LAMA3: variants seen among roughly 807,000 people sequenced by gnomAD.
LAMA3 encodes the protein laminin subunit alpha-3.
Under a neutral mutation model 402.0 loss-of-function variants are expected in LAMA3, and 281 were observed. The observed-to-expected ratio is 0.70, with a 90% CI of 0.63 to 0.77. The LOEUF is 0.77. LAMA3 is among the 30% of genes least tolerant of loss of function. The pLI, the probability that LAMA3 is intolerant of heterozygous loss-of-function variation, is 0.00. For synonymous variants in LAMA3, 1,431 were observed against 1,558.4 expected, an observed-to-expected ratio of 0.92 and a Z score of 1.93; for missense variants, 3,840 against 4,215.5, an observed-to-expected ratio of 0.91 and a Z score of 2.47.
In LAMA3 at chr18:23,852,175, T is replaced by C. The variant is rs576352450; in HGVS notation, c.4136+4507T>C. Reference sequence around the variant, plus strand: ...CAGATGATATTGATGCTTTCCTAGTTGGCCTTCCTTTTCCTGGTTTACTCA... The same window carrying C: ...CAGATGATATTGATGCTTTCCTAGTCGGCCTTCCTTTTCCTGGTTTACTCA... On this transcript the variant is annotated intron_variant, in intron 32 of 74. Transcript: ENST00000313654. Among the ~76,000 whole-genome samples, 8 of 152,346 alleles carry C rather than the reference T, an allele frequency of 5.3e-5. No individual in the cohort carries two copies. In the South Asian group the frequency reaches 1.4e-3, roughly 28 times the overall value.
chr18:23,875,540 A>G (rs1403591178), intron 38 of LAMA3, among the ~76,000 whole-genome samples: 1 of 152,060 alleles, frequency 6.6e-6, no homozygotes, highest in Non-Finnish European at 1.5e-5. Flanking sequence ...TGGGAACCTC[A>G]TGCACGCTCC....
Position 23,914,399 on chromosome 18 carries a change from T to C in LAMA3, c.7330-11T>C. On this transcript the variant is annotated splice_polypyrimidine_tract_variant and intron_variant, in intron 56 of 74. Transcript: ENST00000313654. ...AATGTGAAGTGTTCTGAGGTGGCCC[T>C]TTGTCTCCAGGCCTCCCGGGACTAC... The C allele has an allele frequency of 6.2e-7, 1 of 1,614,130 alleles. No individual in the cohort carries two copies.
intron 15 of LAMA3, 123 bp downstream of exon 15, chr18:23,814,625 A>G (rs1330699779): frequency 1.4e-6 from 1 of 712,802 alleles, no homozygotes; most frequent in East Asian, 2.7e-5. Flanking sequence ...GATTCTATGT[A>G]ATGTTCTGAT....
intron 4 of LAMA3, 122 bp downstream of exon 4, chr18:23,749,668 G>A (rs2061710969): frequency 2.6e-6 from 2 of 773,898 alleles, no homozygotes; most frequent in Non-Finnish European, 4.7e-6. Flanking sequence ...GATGGAAACA[G>A]GGCTTGGGAC....
chr18:23,742,215 A>C (rs774799693), intron 2 of LAMA3, among the ~76,000 whole-genome samples: 4 of 152,198 alleles, frequency 2.6e-5, no homozygotes, highest in Non-Finnish European at 5.9e-5. Context: ...TTCTGTGACC[A>C]ATTCTATGAT....
chr18:23,858,721 T>C lies in LAMA3; in HGVS notation c.4314T>C (p.Cys1438=), dbSNP rs759762551. ...ENVEGTECNV[C]REGSFHLDPA... is the part of the protein sequence containing the mutation. The stretch of plus-strand genomic sequence containing the variant: ...TAGAAGGCACAGAGTGTAATGTGTG[T>C]CGAGAAGGCTCATTCCATTTGGACC... Residue 1438 remains cysteine, a synonymous_variant, in exon 34 of 75, where the codon TGT becomes TGC. Transcript: ENST00000313654. 17 of 1,614,198 alleles carry C rather than the reference T, an allele frequency of 1.1e-5. No homozygotes were observed. The South Asian group carries it at 1.9e-4, about 18-fold the overall frequency.
chr18:23,884,130 T>C (rs1321336521), intron 40 of LAMA3, among the ~76,000 whole-genome samples: 1 of 151,776 alleles, frequency 6.6e-6, no homozygotes, highest in East Asian at 1.9e-4. Context: ...TCATCACTTA[T>C]TGCTTCTCAG....
intron 70 of LAMA3, chr18:23,946,600 G>T: frequency 3.2e-6 from 1 of 308,776 alleles, no homozygotes; most frequent in Non-Finnish European, 6.1e-6. Flanking sequence ...TATAGACAGA[G>T]ATTTTTTGGT....
At position 23,714,083 on chromosome 18, in the gene LAMA3, C is replaced by T. The variant is rs775687169; in HGVS notation, c.447+11C>T. On this transcript the variant is annotated intron_variant, in intron 2 of 74. Coordinates refer to ENST00000313654, the MANE Select transcript of LAMA3 (RefSeq NM_198129.4). ...TTGGATCTGGGGCAGGTGAGCTACA[C>T]TTTTAACTGGAATGGGAACATGAGC... is the stretch of plus-strand genomic sequence containing the variant. The T allele has an allele frequency of 1.2e-6, 2 of 1,611,542 alleles. No homozygotes were observed. Among genetic ancestry groups the T allele is most frequent in the Non-Finnish European group, 1.7e-6 (2 of 1,178,048 alleles).
intron 41 of LAMA3, among the ~76,000 whole-genome samples, chr18:23,889,112 G>A (rs2080550256): frequency 1.3e-5 from 2 of 152,098 alleles, no homozygotes; most frequent in Non-Finnish European, 2.9e-5. Context: ...AGCAATTAGT[G>A]CAAATATGAA....
intron 36 of LAMA3, among the ~76,000 whole-genome samples, chr18:23,866,466 G>A (rs2064361858): frequency 6.6e-6 from 1 of 152,172 alleles, no homozygotes; most frequent in Non-Finnish European, 1.5e-5. Context: ...CTACTAAACT[G>A]TTTTAAAAAC....
At chr18:23,760,148 CA>C (rs958104795) in intron 7 of LAMA3, among the ~76,000 whole-genome samples, 2 of 151,766 alleles carry the variant, frequency 1.3e-5, no homozygotes, top group Non-Finnish European at 2.9e-5. Context: ...CCAACACATA[CA>C]AAAAAAATTT....
intron 23 of LAMA3, among the ~76,000 whole-genome samples, chr18:23,828,619 C>T (rs114769617): frequency 1.2e-3 from 186 of 152,146 alleles, no homozygotes; most frequent in African/African-American, 4.2e-3. Context: ...CCCTAGACAA[C>T]AAGAGGTACC....
chr18:23,952,622 T>C (rs1454047395), intron 73 of LAMA3, among the ~76,000 whole-genome samples: 1 of 152,210 alleles, frequency 6.6e-6, no homozygotes, highest in Non-Finnish European at 1.5e-5. Context: ...AGTGTCTTCA[T>C]AGAAAGTAGC....
chr18:23,802,147 T>G (rs1281743811), intron 12 of LAMA3, among the ~76,000 whole-genome samples: 2 of 152,172 alleles, frequency 1.3e-5, no homozygotes, highest in Non-Finnish European at 2.9e-5. Context: ...CATTGGAAAA[T>G]TTTGGATTTT....
intron 55 of LAMA3, among the ~76,000 whole-genome samples, chr18:23,911,239 C>G (rs936978774): frequency 7.2e-5 from 11 of 152,076 alleles, no homozygotes; most frequent in African/African-American, 2.7e-4. Context: ...TGTGGGACCC[C>G]ATCGCTAAGT....
intron 38 of LAMA3, among the ~76,000 whole-genome samples, chr18:23,874,203 T>G (rs1371674581): frequency 6.6e-6 from 1 of 152,250 alleles, no homozygotes; most frequent in African/African-American, 2.4e-5. Context: ...ATCTATCTGC[T>G]TATTTGAATA....
chr18:23,718,406 G>C (rs2061149073), intron 2 of LAMA3, among the ~76,000 whole-genome samples: 1 of 152,160 alleles, frequency 6.6e-6, no homozygotes, highest in Non-Finnish European at 1.5e-5. Context: ...GTGTTCCAGG[G>C]AACAACAACA....
rs190226992 is a variant in LAMA3, at chr18:23,858,945, C to T, written c.4422+116C>T. The T allele has an allele frequency of 1.3e-4, 144 of 1,101,760 alleles. 1 individual carries two copies. In the African/African-American group the frequency reaches 1.9e-3, roughly 15 times the overall value. 68.2% of individuals were successfully genotyped at this position (1,101,760 alleles called of 1,614,324 possible). ...TTTTAAAATTCTTGTTTCCTGAATT[C>T]GTCAGTTGTTTGCTCGAATGCCATG... On this transcript the variant is annotated intron_variant, in intron 34 of 74. Transcript: ENST00000313654.
Sources: allele counts gnomAD v4.1 joint callset (sites outside exome capture counted in the v4.1 genomes callset), GRCh38; gene constraint gnomAD v4.1.1; transcripts MANE v1.5; gene names NCBI Gene and HGNC (gene_info 2026-07-23, HGNC 2026-07-21).